The following GALNTL6 variants were observed in gnomAD, a reference collection of about 807,000 sequenced individuals.
GALNTL6 encodes the protein polypeptide N-acetylgalactosaminyltransferase-like 6.
A neutral mutation model predicts 73.7 loss-of-function variants in GALNTL6; 46 were observed. The ratio of observed to expected loss-of-function variants is 0.62; its 90% CI spans 0.49 to 0.80. GALNTL6 has a LOEUF of 0.80. GALNTL6 is among the 30% of genes least tolerant of loss of function. GALNTL6 has a pLI of 0.00. For synonymous variants in GALNTL6, 259 were observed against 263.7 expected (o/e 0.98, Z 0.17); for missense variants, 604 against 755.0 (o/e 0.80, Z 2.34).
intron 5 of GALNTL6, among the ~76,000 whole-genome samples, chr4:172,358,857 C>CAAAAAAAAA (rs56119441): frequency 8.2e-5 from 7 of 85,550 alleles, no homozygotes; most frequent in Non-Finnish European, 1.1e-4. Flanking sequence ...ATTAAAAAGT[C>CAAAAAAAAA]AAAAAAAAAA....
At chr4:172,404,989 C>T (rs943927681) in intron 5 of GALNTL6, among the ~76,000 whole-genome samples, 4 of 152,000 alleles carry the variant, frequency 2.6e-5, no homozygotes, top group Non-Finnish European at 4.4e-5. Flanking sequence ...GCAGGGCTAC[C>T]GGTCTCTCAG....
At chr4:172,500,051 AAC>A (rs1734206078) in intron 5 of GALNTL6, among the ~76,000 whole-genome samples, 1 of 152,194 alleles carries the variant, frequency 6.6e-6, no homozygotes, top group Admixed American at 6.5e-5. Context: ...AAAATATATA[AAC>A]TTACAGGAAG....
intron 2 of GALNTL6, among the ~76,000 whole-genome samples, chr4:171,953,393 G>A (rs1314652839): frequency 1.3e-5 from 2 of 152,080 alleles, no homozygotes; most frequent in Non-Finnish European, 2.9e-5. Flanking sequence ...TAGAAAAACA[G>A]ATCAATACAA....
chr4:172,529,786 A>G (rs1179483558), intron 5 of GALNTL6, among the ~76,000 whole-genome samples: 2 of 151,970 alleles, frequency 1.3e-5, no homozygotes, highest in African/African-American at 4.8e-5. Flanking sequence ...CTTGGGCTCA[A>G]GTGATTCTCC....
At chr4:172,041,099 T>A (rs1742076536) in intron 2 of GALNTL6, among the ~76,000 whole-genome samples, 1 of 152,106 alleles carries the variant, frequency 6.6e-6, no homozygotes, top group South Asian at 2.1e-4. Flanking sequence ...TTTTTTATTT[T>A]AGATTGCTAA....
At chr4:172,395,078 C>A (rs1373658519) in intron 5 of GALNTL6, among the ~76,000 whole-genome samples, 1 of 152,100 alleles carries the variant, frequency 6.6e-6, no homozygotes, top group East Asian at 1.9e-4. Context: ...AGAAAATCTC[C>A]CCCAAATTAT....
chr4:173,018,988 G>A (rs1400992111), intron 11 of GALNTL6, among the ~76,000 whole-genome samples: 1 of 152,196 alleles, frequency 6.6e-6, no homozygotes. Flanking sequence ...AACCAAAAAA[G>A]CCAGTTTGGA....
At chr4:172,064,942 T>C (rs974127782) in intron 2 of GALNTL6, among the ~76,000 whole-genome samples, 6 of 152,160 alleles carry the variant, frequency 3.9e-5, no homozygotes, top group African/African-American at 1.4e-4. Context: ...GTTTTACAAA[T>C]TTTTTTCTAG....
chr4:172,576,142 T>C (rs1337355378), intron 5 of GALNTL6, among the ~76,000 whole-genome samples: 4 of 152,210 alleles, frequency 2.6e-5, no homozygotes, highest in Non-Finnish European at 5.9e-5. Flanking sequence ...CCTAAATTTT[T>C]AACTATGTTA....
At chr4:172,341,408 G>A (rs1003921456) in intron 4 of GALNTL6, among the ~76,000 whole-genome samples, 25 of 132,480 alleles carry the variant, frequency 1.9e-4, no homozygotes, top group African/African-American at 6.8e-4. Flanking sequence ...CCGAGATCCC[G>A]CCACTGCACT....
intron 2 of GALNTL6, among the ~76,000 whole-genome samples, chr4:172,079,765 T>G (rs1223988067): frequency 6.6e-6 from 1 of 152,138 alleles, no homozygotes; most frequent in Non-Finnish European, 1.5e-5. Context: ...AAATAATTAC[T>G]AATTCTCTTA....
chr4:172,181,959 C>T (rs1023656801), intron 2 of GALNTL6, among the ~76,000 whole-genome samples: 9 of 151,930 alleles, frequency 5.9e-5, no homozygotes, highest in Admixed American at 1.3e-4. Flanking sequence ...CCTCATGATC[C>T]GCCTGACTCG....
chr4:172,808,780 G>A (rs796532350), intron 5 of GALNTL6, among the ~76,000 whole-genome samples: 1 of 152,102 alleles, frequency 6.6e-6, no homozygotes, highest in Non-Finnish European at 1.5e-5. Context: ...AGTTCCAAAC[G>A]ACTGTATAGT....
In GALNTL6 at chr4:172,352,022, G is replaced by A. The variant is rs201073617; in HGVS notation, c.553+3333G>A. 9.7e-4 allele frequency among the ~76,000 whole-genome samples: 148 copies of A among 152,166 alleles called. 1 individual carries two copies. In the South Asian group the frequency reaches 0.016, roughly 16 times the overall value. ...ACAAGAAAGCCAATATTTTAGACATGTCATTAGCATGAGCCACTTGCTGAT... is the reference window on the plus strand; with the variant it reads ...ACAAGAAAGCCAATATTTTAGACATATCATTAGCATGAGCCACTTGCTGAT... On this transcript the variant is annotated intron_variant, in intron 5 of 12. Coordinates refer to ENST00000506823, the MANE Select transcript of GALNTL6 (RefSeq NM_001034845.3).
At chr4:171,833,807 C>G (rs917704673) in intron 2 of GALNTL6, among the ~76,000 whole-genome samples, 1 of 151,666 alleles carries the variant, frequency 6.6e-6, no homozygotes, top group South Asian at 2.1e-4. Flanking sequence ...TATTTTAGAA[C>G]GTGCTTATAT....
rs75180042 is a variant in GALNTL6, at chr4:172,277,275, T to A, written c.248-34339T>A. Among the ~76,000 whole-genome samples, 672 of 145,648 alleles carry A rather than the reference T, an allele frequency of 4.6e-3. 5 individuals are homozygous for A. Among genetic ancestry groups the A allele is most frequent in the African/African-American group, 0.015 (613 of 39,554 alleles). ...AAAATAAAAAATGCAAAAAAAAAAATACTTCGCAACAGTGGGAGTTTCTAT... is the reference window on the plus strand; with the variant it reads ...AAAATAAAAAATGCAAAAAAAAAAAAACTTCGCAACAGTGGGAGTTTCTAT... On this transcript the variant is annotated intron_variant, in intron 3 of 12. Transcript: ENST00000506823.
chr4:172,090,710 T>C (rs1732178390), intron 2 of GALNTL6, among the ~76,000 whole-genome samples: 2 of 152,294 alleles, frequency 1.3e-5, no homozygotes, highest in Middle Eastern at 6.8e-3. Context: ...TAGATCCCAT[T>C]TGTCAATTTT....
chr4:173,033,309 C>T (rs889289142), intron 12 of GALNTL6, among the ~76,000 whole-genome samples: 1 of 149,520 alleles, frequency 6.7e-6, no homozygotes, highest in Admixed American at 6.7e-5. Flanking sequence ...AGCCAAGAAA[C>T]ATTATTTCTG....
intron 2 of GALNTL6, among the ~76,000 whole-genome samples, chr4:172,004,387 A>G (rs1259323423): frequency 1.3e-5 from 2 of 152,110 alleles, no homozygotes; most frequent in Admixed American, 6.6e-5. Context: ...CAGGGTTGGA[A>G]TTTTGTGAAT....
Sources: gnomAD v4.1 joint callset for allele counts (sites outside exome capture counted in the v4.1 genomes callset) on GRCh38, gnomAD v4.1.1 for gene constraint, MANE v1.5 for transcripts, NCBI Gene and HGNC (gene_info 2026-07-23, HGNC 2026-07-21) for gene names.